The following NKAIN2 variants were observed in gnomAD, a reference collection of about 807,000 sequenced individuals.
NKAIN2 encodes sodium/potassium transporting ATPase interacting 2.
A neutral mutation model predicts 32.6 loss-of-function variants in NKAIN2; 14 were observed. The ratio of observed to expected loss-of-function variants is 0.43; its 90% CI spans 0.28 to 0.67. The LOEUF (loss-of-function observed/expected upper bound fraction) is 0.67, where lower values mean the gene tolerates loss of function less well. NKAIN2 is among the 30% of genes least tolerant of loss of function. NKAIN2 has a pLI of 0.17. For missense variants in NKAIN2, 198 were observed against 258.3 expected (o/e 0.77, Z 1.60); for synonymous variants, 80 against 87.2 (o/e 0.92, Z 0.46).
chr6:124,172,078 C>A (rs1368616771), intron 1 of NKAIN2, among the ~76,000 whole-genome samples: 1 of 152,182 alleles, frequency 6.6e-6, no homozygotes, highest in Non-Finnish European at 1.5e-5. Context: ...TCCCAAAGTG[C>A]TGGGATTACA....
At chr6:124,613,915 A>G (rs1211486810) in intron 3 of NKAIN2, among the ~76,000 whole-genome samples, 1 of 152,206 alleles carries the variant, frequency 6.6e-6, no homozygotes, top group Non-Finnish European at 1.5e-5. Flanking sequence ...TATTCACACT[A>G]GCTACCATTT....
At chr6:124,140,110 G>A (rs1463563044) in intron 1 of NKAIN2, among the ~76,000 whole-genome samples, 2 of 152,136 alleles carry the variant, frequency 1.3e-5, no homozygotes, top group Non-Finnish European at 2.9e-5. Context: ...ACTGAAACTG[G>A]TTCTAATAGA....
At chr6:124,410,339 A>G (rs1774100672) in intron 3 of NKAIN2, among the ~76,000 whole-genome samples, 2 of 152,064 alleles carry the variant, frequency 1.3e-5, no homozygotes, top group South Asian at 4.1e-4. Flanking sequence ...TTAGTGCTAA[A>G]ATTTCCCTCT....
At chr6:124,742,074 A>G (rs1277597743) in intron 4 of NKAIN2, among the ~76,000 whole-genome samples, 1 of 151,868 alleles carries the variant, frequency 6.6e-6, no homozygotes, top group Non-Finnish European at 1.5e-5. Context: ...ATAGCCACCC[A>G]TAACATGCAG....
intron 3 of NKAIN2, among the ~76,000 whole-genome samples, chr6:124,602,199 G>C (rs1037504651): frequency 1.7e-4 from 26 of 151,838 alleles, no homozygotes; most frequent in African/African-American, 6.3e-4. Context: ...GGCCTCAATT[G>C]GTTTGTAATT....
chr6:124,260,715 A>C (rs1794210370), intron 1 of NKAIN2, among the ~76,000 whole-genome samples: 1 of 152,150 alleles, frequency 6.6e-6, no homozygotes, highest in Non-Finnish European at 1.5e-5. Flanking sequence ...TTATATTTTA[A>C]GAGGATTACT....
intron 3 of NKAIN2, among the ~76,000 whole-genome samples, chr6:124,476,006 A>ATG (rs1298089394): frequency 2.0e-5 from 3 of 146,360 alleles, no homozygotes; most frequent in African/African-American, 5.1e-5. Flanking sequence ...GTGTGTATGT[A>ATG]TGTGTGTGTG....
At chr6:124,736,023 T>C (rs1430235958) in intron 4 of NKAIN2, among the ~76,000 whole-genome samples, 1 of 151,746 alleles carries the variant, frequency 6.6e-6, no homozygotes, top group Non-Finnish European at 1.5e-5. Flanking sequence ...ATGCCAAAAG[T>C]CAAAACAGGA....
intron 1 of NKAIN2, among the ~76,000 whole-genome samples, chr6:123,869,106 G>A (rs1003376687): frequency 6.6e-6 from 1 of 152,142 alleles, no homozygotes; most frequent in South Asian, 2.1e-4. Context: ...AAGACAAATT[G>A]AGAAAGACAT....
At chr6:124,229,466 T>C (rs2114727969) in intron 1 of NKAIN2, among the ~76,000 whole-genome samples, 1 of 151,100 alleles carries the variant, frequency 6.6e-6, no homozygotes, top group African/African-American at 2.4e-5. Flanking sequence ...GTTCACATAT[T>C]TCCAAGTATT....
chr6:123,904,587 T>C (rs1774766414), intron 1 of NKAIN2, among the ~76,000 whole-genome samples: 2 of 152,190 alleles, frequency 1.3e-5, no homozygotes, highest in Non-Finnish European at 2.9e-5. Context: ...CAGCACTGGA[T>C]GTTTTTCTCC....
At chr6:124,075,072 A>T (rs1303878346) in intron 1 of NKAIN2, among the ~76,000 whole-genome samples, 1 of 152,156 alleles carries the variant, frequency 6.6e-6, no homozygotes, top group Admixed American at 6.6e-5. Flanking sequence ...ATAGATATTT[A>T]TTTAAATATC....
intron 3 of NKAIN2, among the ~76,000 whole-genome samples, chr6:124,581,311 C>T (rs1279113461): frequency 6.6e-6 from 1 of 151,492 alleles, no homozygotes; most frequent in Non-Finnish European, 1.5e-5. Context: ...CGGTGGCGGG[C>T]GCCTGTAGTC....
chr6:123,854,144 G>A (rs893734308), intron 1 of NKAIN2, among the ~76,000 whole-genome samples: 1 of 152,082 alleles, frequency 6.6e-6, no homozygotes, highest in East Asian at 1.9e-4. Context: ...AACCATGAGG[G>A]AAATTTAATT....
intron 2 of NKAIN2, among the ~76,000 whole-genome samples, chr6:124,332,805 C>T (rs1223731767): frequency 6.6e-6 from 1 of 152,052 alleles, no homozygotes; most frequent in Non-Finnish European, 1.5e-5. Flanking sequence ...GGCACTGCAG[C>T]TAAGACTTGT....
chr6:124,035,845 G>T (rs1781585408), intron 1 of NKAIN2, among the ~76,000 whole-genome samples: 2 of 152,124 alleles, frequency 1.3e-5, no homozygotes, highest in African/African-American at 4.8e-5. Context: ...CTGCTTATGA[G>T]TTGGGAATAA....
At chr6:124,531,715 C>G (rs1203898715) in intron 3 of NKAIN2, among the ~76,000 whole-genome samples, 1 of 152,130 alleles carries the variant, frequency 6.6e-6, no homozygotes, top group Non-Finnish European at 1.5e-5. Flanking sequence ...CACTCTGTTG[C>G]GCAGGCTGGA....
intron 2 of NKAIN2, among the ~76,000 whole-genome samples, chr6:124,290,258 T>C (rs1420399024): frequency 6.6e-6 from 1 of 152,146 alleles, no homozygotes; most frequent in Non-Finnish European, 1.5e-5. Flanking sequence ...GTGGTACATA[T>C]AAATAATTAC....
intron 1 of NKAIN2, among the ~76,000 whole-genome samples, chr6:124,041,282 T>C (rs1000118347): frequency 6.6e-5 from 10 of 152,040 alleles, no homozygotes; most frequent in Admixed American, 6.6e-5. Context: ...CATCATCTCA[T>C]ACAATTGTGA....
Sources: allele counts gnomAD v4.1 joint callset (sites outside exome capture counted in the v4.1 genomes callset), GRCh38; gene constraint gnomAD v4.1.1; transcripts MANE v1.5; gene names NCBI Gene and HGNC (gene_info 2026-07-23, HGNC 2026-07-21).